Variants in DLG2 observed in about 807,000 individuals in gnomAD.
The protein encoded by DLG2 is disks large homolog 2.
Under a neutral mutation model 132.5 loss-of-function variants are expected in DLG2, and 45 were observed. The observed-to-expected ratio is 0.34, with a 90% CI of 0.27 to 0.44. The LOEUF is 0.44. DLG2 is among the 20% of genes least tolerant of loss of function. The pLI is 1.00. For synonymous variants in DLG2, 424 were observed against 419.6 expected (o/e 1.01, Z -0.13); for missense variants, 1,045 against 1,196.9 (o/e 0.87, Z 1.87).
chr11:85,209,865 T>A (rs538825080), intron 4 of DLG2, among the ~76,000 whole-genome samples: 97 of 152,256 alleles, frequency 6.4e-4, no homozygotes, highest in Middle Eastern at 6.8e-3. Flanking sequence ...AGCTGCCTCC[T>A]TGCTGGTCCT....
At chr11:85,429,683 G>A (rs944328001) in intron 3 of DLG2, among the ~76,000 whole-genome samples, 1 of 152,148 alleles carries the variant, frequency 6.6e-6, no homozygotes, top group East Asian at 1.9e-4. Context: ...AGTTAGAATG[G>A]CAATCATTAA....
intron 17 of DLG2, among the ~76,000 whole-genome samples, chr11:83,819,955 T>C (rs2050288585): frequency 7.1e-6 from 1 of 141,594 alleles, no homozygotes; most frequent in Admixed American, 6.7e-5. Flanking sequence ...ATAATAATAA[T>C]AATAAACAAA....
intron 19 of DLG2, among the ~76,000 whole-genome samples, chr11:83,624,286 A>G (rs1355996793): frequency 6.6e-6 from 1 of 152,178 alleles, no homozygotes; most frequent in African/African-American, 2.4e-5. Flanking sequence ...CACTTATGAT[A>G]CTTTTGTTCC....
At chr11:84,280,742 G>A (rs993645713) in intron 7 of DLG2, among the ~76,000 whole-genome samples, 4 of 151,796 alleles carry the variant, frequency 2.6e-5, no homozygotes, top group African/African-American at 9.7e-5. Context: ...CTGTCGCCCA[G>A]GCTGGAGTGC....
chr11:83,762,725 C>G lies in DLG2; in HGVS notation c.1825+23965G>C, dbSNP rs192477134. 1.6e-3 allele frequency among the ~76,000 whole-genome samples: 250 copies of G among 152,134 alleles called. 1 individual carries two copies. The highest frequency in any genetic ancestry group is 6.0e-3 in the African/African-American group (248 of 41,516). The stretch of plus-strand genomic sequence containing the variant: ...CCTACTCAACAGCTGGGACTACAGG[C>G]GCATGCCGCCACGCCTGGCTAATTT... On this transcript the variant is annotated intron_variant, in intron 18 of 27. Coordinates refer to ENST00000376104, the MANE Select transcript of DLG2 (RefSeq NM_001142699.3).
At chr11:85,357,734 ATATATATATATATATATATATATATATT>A (rs2083841944) in intron 3 of DLG2, among the ~76,000 whole-genome samples, 1 of 12,272 alleles carries the variant, frequency 8.1e-5, no homozygotes, top group Non-Finnish European at 1.5e-4. Context: ...ATATATATAT[ATATATATATATATATATATATATATATT>A]TTATACTTTA....
chr11:84,977,245 T>C (rs1411048241), intron 6 of DLG2, among the ~76,000 whole-genome samples: 3 of 152,194 alleles, frequency 2.0e-5, no homozygotes, highest in African/African-American at 7.2e-5. Context: ...TCTGAAGGAA[T>C]GGCTCTAGTT....
intron 6 of DLG2, among the ~76,000 whole-genome samples, chr11:85,003,295 T>G (rs1386816506): frequency 6.6e-6 from 1 of 152,186 alleles, no homozygotes; most frequent in Non-Finnish European, 1.5e-5. Context: ...AATTGTTATA[T>G]GGCACACACC....
intron 11 of DLG2, among the ~76,000 whole-genome samples, chr11:83,987,692 T>C (rs999580818): frequency 2.0e-5 from 3 of 152,146 alleles, no homozygotes; most frequent in African/African-American, 7.2e-5. Context: ...ATACAAAAAT[T>C]AATTCAAGAT....
rs147506237 is a variant in DLG2, at chr11:85,569,785, C to T, written c.40+28872G>A. On this transcript the variant is annotated intron_variant, in intron 3 of 27. Coordinates refer to ENST00000376104, the MANE Select transcript of DLG2 (RefSeq NM_001142699.3). ...GCTGTTGGTGGGAATGCTTATACAC[C>T]GTTGGTAAATTAGTTCAGCCATTGT... Among the ~76,000 whole-genome samples the T allele has an allele frequency of 5.3e-5, 8 of 152,230 alleles. No homozygotes were observed. In the East Asian group the frequency reaches 7.7e-4, roughly 15 times the overall value.
At chr11:84,607,648 T>C (rs1006919111) in intron 6 of DLG2, among the ~76,000 whole-genome samples, 2 of 152,056 alleles carry the variant, frequency 1.3e-5, no homozygotes, top group African/African-American at 4.8e-5. Context: ...GGGAAGTGCA[T>C]GGACTCTAGA....
chr11:83,945,806 C>CTGTGTGTGTGTGTGTG (rs56913664), intron 14 of DLG2, among the ~76,000 whole-genome samples: 12 of 136,376 alleles, frequency 8.8e-5, no homozygotes, highest in African/African-American at 1.6e-4. Flanking sequence ...AGAAATGCCT[C>CTGTGTGTGTGTGTGTG]TGTGTGTGTG....
chr11:84,801,917 C>G (rs1344411418), intron 6 of DLG2, among the ~76,000 whole-genome samples: 1 of 152,140 alleles, frequency 6.6e-6, no homozygotes, highest in Non-Finnish European at 1.5e-5. Context: ...TTCTTTGTTA[C>G]ATCTGTTTGT....
At chr11:85,000,185 C>A (rs1261695602) in intron 6 of DLG2, among the ~76,000 whole-genome samples, 2 of 151,932 alleles carry the variant, frequency 1.3e-5, no homozygotes, top group African/African-American at 2.4e-5. Flanking sequence ...AGAGTGTGTG[C>A]TCATTATAAG....
At chr11:84,377,642 G>T (rs1392889369) in intron 7 of DLG2, among the ~76,000 whole-genome samples, 1 of 152,052 alleles carries the variant, frequency 6.6e-6, no homozygotes, top group Non-Finnish European at 1.5e-5. Context: ...ACAAAATGAC[G>T]ATTATAGAAT....
chr11:84,901,349 C>T lies in DLG2; in HGVS notation c.357+210312G>A, dbSNP rs573463401. ...TTAATGAAACTGAGAGCTAGGTCTCCGCAATATATCCTGACAATCAGTGGG... is the reference window on the plus strand; with the variant it reads ...TTAATGAAACTGAGAGCTAGGTCTCTGCAATATATCCTGACAATCAGTGGG... On this transcript the variant is annotated intron_variant, in intron 6 of 27. Coordinates refer to ENST00000376104, the MANE Select transcript of DLG2 (RefSeq NM_001142699.3). Among the ~76,000 whole-genome samples, 7 of 152,040 alleles carry T rather than the reference C, an allele frequency of 4.6e-5. No individual in the cohort carries two copies. The South Asian group carries it at 8.3e-4, about 18-fold the overall frequency.
Position 85,583,130 on chromosome 11 carries a change from G to GTATGTATATATA in DLG2, c.40+15526_40+15527insTATATATACATA, listed in dbSNP as rs2078715565. 4.4e-4 allele frequency among the ~76,000 whole-genome samples: 6 copies of GTATGTATATATA among 13,606 alleles called. 1 individual carries two copies. Among genetic ancestry groups the GTATGTATATATA allele is most frequent in the African/African-American group, 6.1e-4 (3 of 4,942 alleles). The allele number at this position is 13,606 out of a possible 152,430, so 8.9% of individuals were successfully genotyped here. On this transcript the variant is annotated intron_variant, in intron 3 of 27. Transcript: ENST00000376104. The stretch of plus-strand genomic sequence containing the variant: ...TGTGTGTGTGTGTGTGTGTGTGTGT[G>GTATGTATATATA]TATATATATATATATATATATATAT...
intron 11 of DLG2, among the ~76,000 whole-genome samples, chr11:83,980,928 T>C (rs1261633851): frequency 6.6e-6 from 1 of 152,148 alleles, no homozygotes; most frequent in Non-Finnish European, 1.5e-5. Flanking sequence ...TTTATAAGGG[T>C]AACTGGCCAG....
intron 3 of DLG2, among the ~76,000 whole-genome samples, chr11:85,299,909 T>C (rs1177089229): frequency 1.3e-5 from 2 of 152,236 alleles, no homozygotes; most frequent in Admixed American, 6.5e-5. Flanking sequence ...TATAAAACTA[T>C]AACACATACA....
Sources: gnomAD v4.1 joint callset for allele counts (sites outside exome capture counted in the v4.1 genomes callset) on GRCh38, gnomAD v4.1.1 for gene constraint, MANE v1.5 for transcripts, NCBI Gene and HGNC (gene_info 2026-07-23, HGNC 2026-07-21) for gene names.